The following SEMA3E variants were observed in gnomAD, a reference collection of about 807,000 sequenced individuals.
SEMA3E encodes the protein semaphorin-3E.
In SEMA3E, 49 loss-of-function variants were observed where a neutral mutation model predicts 93.6. The ratio of observed to expected loss-of-function variants is 0.52; its 90% CI spans 0.42 to 0.66. SEMA3E has a LOEUF of 0.66. SEMA3E is among the 30% of genes least tolerant of loss of function. SEMA3E has a pLI of 0.00. For synonymous variants in SEMA3E, 363 were observed against 330.7 expected (o/e 1.10, Z -1.06); for missense variants, 906 against 964.8 (o/e 0.94, Z 0.81).
chr7:83,472,373 C>T (rs1473766153), intron 2 of SEMA3E, among the ~76,000 whole-genome samples: 3 of 152,018 alleles, frequency 2.0e-5, no homozygotes, highest in African/African-American at 7.2e-5. Flanking sequence ...TGTGGAAACC[C>T]ACACTGCAAT....
At chr7:83,623,317 A>G (rs1471035580) in intron 1 of SEMA3E, among the ~76,000 whole-genome samples, 2 of 152,200 alleles carry the variant, frequency 1.3e-5, no homozygotes, top group African/African-American at 2.4e-5. Context: ...ATAAAGGAAT[A>G]TGATGAGATA....
In SEMA3E at chr7:83,408,392, G is replaced by C. The variant is rs539156422; in HGVS notation, c.646C>G (p.His216Asp). The C allele has an allele frequency of 6.2e-7, 1 of 1,613,772 alleles. No individual in the cohort carries two copies. The highest frequency in any genetic ancestry group is 1.1e-5 in the South Asian group (1 of 91,080). The change falls in exon 6 of 17, where the codon CAT (histidine) becomes GAT (aspartate). Residue 216 changes from histidine to aspartate, a missense_variant. Physicochemically the swap from His to Asp is moderately conservative, Grantham distance 81. Transcript: ENST00000643230. ...CCTTTCAACAGACGCTCATCGTCATGCTCAGTGCGGATATGGGCCAGTCGC... is the reference window on the plus strand; with the variant it reads ...CCTTTCAACAGACGCTCATCGTCATCCTCAGTGCGGATATGGGCCAGTCGC... ...MGRLAHIRTE[H>D]DDERLLKEPK...
chr7:83,370,933 C>T (rs1794741516), intron 16 of SEMA3E, among the ~76,000 whole-genome samples: 2 of 152,108 alleles, frequency 1.3e-5, no homozygotes, highest in Admixed American at 1.3e-4. Flanking sequence ...TATTTCTTGC[C>T]TGAGCAGTAA....
chr7:83,512,668 C>T (rs537509397), intron 1 of SEMA3E, among the ~76,000 whole-genome samples: 1 of 152,106 alleles, frequency 6.6e-6, no homozygotes, highest in South Asian at 2.1e-4. Context: ...ACTATAAAGG[C>T]AATTATACTA....
At chr7:83,420,853 C>CATTAAAACATAGCCTAG (rs879420852) in intron 4 of SEMA3E, among the ~76,000 whole-genome samples, 14 of 144,910 alleles carry the variant, frequency 9.7e-5, no homozygotes, top group Non-Finnish European at 1.1e-4. Flanking sequence ...AATATAAGAC[C>CATTAAAACATAGCCTAG]TCTAACTATA....
At chr7:83,577,528 G>T (rs187507969) in intron 1 of SEMA3E, among the ~76,000 whole-genome samples, 1 of 152,068 alleles carries the variant, frequency 6.6e-6, no homozygotes, top group Non-Finnish European at 1.5e-5. Context: ...TTATTTTACA[G>T]GTAGGAGAAA....
intron 1 of SEMA3E, among the ~76,000 whole-genome samples, chr7:83,644,208 AAT>A (rs1011183377): frequency 6.6e-6 from 1 of 151,786 alleles, no homozygotes; most frequent in Non-Finnish European, 1.5e-5. Context: ...AAAAAAAAAA[AAT>A]ATATAGGCCA....
intron 4 of SEMA3E, among the ~76,000 whole-genome samples, chr7:83,462,368 T>C (rs888379719): frequency 1.9e-4 from 29 of 152,098 alleles, no homozygotes; most frequent in African/African-American, 7.0e-4. Context: ...ACTTAGACAA[T>C]ACTCTTTTAA....
Position 83,381,333 on chromosome 7 carries a change from T to C in SEMA3E, c.1875+3961A>G, listed in dbSNP as rs1787773419. Among the ~76,000 whole-genome samples the C allele has an allele frequency of 2.0e-5, 3 of 152,106 alleles. No homozygotes were observed. In the South Asian group the frequency reaches 6.2e-4, roughly 32 times the overall value. The stretch of plus-strand genomic sequence containing the variant: ...GCTCTTCACTCAGCTGTTCTTTGAG[T>C]ATATCACATATGCTCCTATCTCAAG... On this transcript the variant is annotated intron_variant, in intron 16 of 16. Transcript: ENST00000643230.
chr7:83,606,393 A>G (rs1562852422), intron 1 of SEMA3E, among the ~76,000 whole-genome samples: 1 of 151,996 alleles, frequency 6.6e-6, no homozygotes, highest in African/African-American at 2.4e-5. Flanking sequence ...CTGGATTAAG[A>G]AAATGTGGCA....
At chr7:83,498,556 C>A (rs1790537112) in intron 1 of SEMA3E, among the ~76,000 whole-genome samples, 1 of 151,948 alleles carries the variant, frequency 6.6e-6, no homozygotes, top group African/African-American at 2.4e-5. Flanking sequence ...CGGCTCACTG[C>A]AGCCTCCACC....
chr7:83,531,288 T>TG (rs11457637), intron 1 of SEMA3E, among the ~76,000 whole-genome samples: 76,156 of 146,480 alleles, frequency 0.52, 22,215 homozygotes, highest in Middle Eastern at 0.69. Flanking sequence ...TTCATAGTTT[T>TG]TTTTTTTTTA....
chr7:83,494,672 T>A (rs1790451755), intron 1 of SEMA3E, among the ~76,000 whole-genome samples: 2 of 151,976 alleles, frequency 1.3e-5, no homozygotes, highest in South Asian at 4.1e-4. Flanking sequence ...CATCTTTGCT[T>A]CTTGCTTCTC....
In SEMA3E at chr7:83,365,908, CAT is replaced by C. The variant is rs1343448552; in HGVS notation, c.*1676_*1677del. On this transcript the variant is annotated 3_prime_UTR_variant, in exon 17 of 17. Transcript: ENST00000643230. The stretch of plus-strand genomic sequence containing the variant: ...TAGTTTTTAAAAATACATTTCACTA[CAT>C]AGTCTTTTCAGTTATTATTTAATGG... 1 of 152,086 alleles carries C rather than the reference CAT, an allele frequency of 6.6e-6. No homozygotes were observed. The highest frequency in any genetic ancestry group is 1.5e-5 in the Non-Finnish European group (1 of 67,980). 9.4% of individuals were successfully genotyped at this position (152,086 alleles called of 1,614,324 possible). A position where few individuals can be genotyped will look rare whatever the true frequency, so the allele number is the denominator to read the frequency against.
chr7:83,373,894 C>T (rs1422459788), intron 16 of SEMA3E, among the ~76,000 whole-genome samples: 11 of 152,104 alleles, frequency 7.2e-5, no homozygotes, highest in Non-Finnish European at 1.6e-4. Flanking sequence ...TAACATTCAA[C>T]CTCACTAGTA....
At chr7:83,481,062 A>T (rs1037009236) in intron 2 of SEMA3E, among the ~76,000 whole-genome samples, 4 of 152,206 alleles carry the variant, frequency 2.6e-5, no homozygotes, top group Non-Finnish European at 5.9e-5. Flanking sequence ...CGGCAATTTA[A>T]ACATGAATAG....
At chr7:83,529,215 G>A (rs73176580) in intron 1 of SEMA3E, among the ~76,000 whole-genome samples, 23,146 of 152,008 alleles carry the variant, frequency 0.15, 2,348 homozygotes, top group Middle Eastern at 0.35. Flanking sequence ...TTTCTACCAC[G>A]GAGCACTCTA....
At chr7:83,625,646 TG>T (rs1173671632) in intron 1 of SEMA3E, among the ~76,000 whole-genome samples, 1 of 152,128 alleles carries the variant, frequency 6.6e-6, no homozygotes, top group Admixed American at 6.6e-5. Context: ...TCATGTCATC[TG>T]CAAGCAGAGA....
intron 15 of SEMA3E, among the ~76,000 whole-genome samples, chr7:83,386,696 C>T (rs1177765430): frequency 1.3e-5 from 2 of 152,116 alleles, no homozygotes; most frequent in Non-Finnish European, 2.9e-5. Context: ...GTCACTGTGG[C>T]ATCAACCACC....
Sources: allele counts gnomAD v4.1 joint callset (sites outside exome capture counted in the v4.1 genomes callset), GRCh38; gene constraint gnomAD v4.1.1; transcripts MANE v1.5; gene names NCBI Gene and HGNC (gene_info 2026-07-23, HGNC 2026-07-21).